The following PDLIM2 variants were observed in gnomAD, a reference collection of about 807,000 sequenced individuals.
PDLIM2 encodes the protein PDZ and LIM domain protein 2.
Under a neutral mutation model 54.1 loss-of-function variants are expected in PDLIM2, and 51 were observed. That is an observed-to-expected ratio of 0.94 (90% CI 0.75 to 1.19). PDLIM2 has a LOEUF of 1.19. Ranked by LOEUF, PDLIM2 falls within the 50% of genes most tolerant of loss-of-function variation. The pLI, the probability that PDLIM2 is intolerant of heterozygous loss-of-function variation, is 0.00. For synonymous variants in PDLIM2, 398 were observed against 385.6 expected, an observed-to-expected ratio of 1.03 and a Z score of -0.38; for missense variants, 912 against 874.0, an observed-to-expected ratio of 1.04 and a Z score of -0.55.
intron 9 of PDLIM2, 113 bp downstream of exon 8, chr8:22,591,781 C>T: frequency 1.0e-6 from 1 of 972,170 alleles, no homozygotes; most frequent in South Asian, 1.7e-5. Context: ...GCACTGGGTA[C>T]CCAGTCGGGG....
exon 2 of PDLIM2, chr8:22,580,608 GCGTTGA>G: frequency 6.2e-7 from 1 of 1,614,046 alleles, no homozygotes; most frequent in Non-Finnish European, 8.5e-7. Flanking sequence ...CTCAGGTATG[GCGTTGA>G]CGGTGGATGT....
At chr8:22,579,185 C>G in exon 1 of PDLIM2, 1 of 1,381,116 alleles carries the variant, frequency 7.2e-7, no homozygotes, top group Non-Finnish European at 9.4e-7. Context: ...CCCTCCCTCC[C>G]GGGCCTGGGC....
At chr8:22,589,707 G>A (rs1453354859) in exon 8 of PDLIM2, 3 of 1,571,196 alleles carry the variant, frequency 1.9e-6, no homozygotes, top group Non-Finnish European at 2.6e-6. Flanking sequence ...GCTCCTTTCG[G>A]CTCTTGCAGG....
At chr8:22,579,187 G>A in exon 1 of PDLIM2, 1 of 1,382,872 alleles carries the variant, frequency 7.2e-7, no homozygotes, top group Non-Finnish European at 9.3e-7. Flanking sequence ...CTCCCTCCCG[G>A]GCCTGGGCGC....
At chr8:22,589,479 G>A in intron 7 of PDLIM2, 105 bp downstream of exon 6, 6 of 1,527,866 alleles carry the variant, frequency 3.9e-6, no homozygotes, top group Non-Finnish European at 5.3e-6. Context: ...AGCCCAGTTG[G>A]CTCCTCCACC....
At chr8:22,595,423 C>T (rs1586932850), downstream of PDLIM2, 1 of 152,330 alleles carries the variant, frequency 6.6e-6, no homozygotes, top group Admixed American at 6.5e-5. Flanking sequence ...CATGGCGGGG[C>T]CCATTCACGG....
intron 5 of PDLIM2, 23 bp downstream of exon 4, chr8:22,585,185 A>G: frequency 1.1e-5 from 18 of 1,611,048 alleles, no homozygotes; most frequent in Non-Finnish European, 1.5e-5. Context: ...GTGAGTGGGT[A>G]CCCTGGTCGC....
At chr8:22,580,438 G>A in intron 1 of PDLIM2, 37 bp from the exon 1 acceptor site, 1 of 1,442,730 alleles carries the variant, frequency 6.9e-7, no homozygotes, top group Non-Finnish European at 9.2e-7. Context: ...CCGGGCTGAG[G>A]GAGGGAGTTA....
chr8:22,583,073 TA>T (rs1800257333), intron 3 of PDLIM2, among the ~76,000 whole-genome samples: 1 of 151,960 alleles, frequency 6.6e-6, no homozygotes, highest in African/African-American at 2.4e-5. Flanking sequence ...CCTGTTGCCC[TA>T]CATCTCTAGA....
intron 3 of PDLIM2, among the ~76,000 whole-genome samples, chr8:22,583,703 G>C (rs1033741092): frequency 6.6e-6 from 1 of 151,874 alleles, no homozygotes; most frequent in South Asian, 2.1e-4. Context: ...GGAGGTGGAG[G>C]TTGCAGTGAG....
At chr8:22,591,503 G>T in intron 8 of PDLIM2, 48 bp from the exon 8 acceptor site, 1 of 1,517,740 alleles carries the variant, frequency 6.6e-7, no homozygotes, top group Non-Finnish European at 9.1e-7. Flanking sequence ...TTGGGAGGAT[G>T]CTGTGGTTGG....
exon 3 of PDLIM2, chr8:22,581,481 C>A (rs1309559433): frequency 4.4e-6 from 7 of 1,604,988 alleles, no homozygotes; most frequent in Non-Finnish European, 5.9e-6. Context: ...TGCCGAGGCC[C>A]AGAGCAAGAT....
intron 6 of PDLIM2, among the ~76,000 whole-genome samples, chr8:22,587,495 C>G: frequency 6.6e-6 from 1 of 152,176 alleles, no homozygotes; most frequent in East Asian, 1.9e-4. Flanking sequence ...ATTTCTACCC[C>G]TGACCCCCTG....
rs575522705 is a variant in PDLIM2 at position 22,578,903 on chromosome 8, C to T, written c.124C>T (p.Leu42Phe). 80 of 1,238,066 alleles carry T rather than the reference C, an allele frequency of 6.5e-5. No individual in the cohort carries two copies. In the East Asian group the frequency reaches 2.5e-3, roughly 39 times the overall value. The allele number at this position is 1,238,066 out of a possible 1,614,324, so 76.7% of individuals were successfully genotyped here. A position where few individuals can be genotyped will look rare whatever the true frequency, so the allele number is the denominator to read the frequency against. ...CTGCTGTGCTCCGGGCAGTCGGGGG[C>T]TTGCGGGCGCTCCGGGGAGGATGCG... is the stretch of plus-strand genomic sequence containing the variant. The change falls in exon 1 of 10, where the codon CTT becomes TTT. Residue 42 changes from leucine (L) to phenylalanine (F), a missense_variant. Physicochemically the swap from Leu to Phe is conservative, Grantham distance 22. Transcript: ENST00000308354.
chr8:22,595,592 AG>A (rs1800669236), downstream of PDLIM2: 3 of 152,258 alleles, frequency 2.0e-5, no homozygotes, highest in South Asian at 6.2e-4. Context: ...CGCACCGAGG[AG>A]CGTCCCGTGA....
intron 3 of PDLIM2, among the ~76,000 whole-genome samples, chr8:22,584,001 G>T (rs1398492407): frequency 1.3e-5 from 2 of 150,246 alleles, no homozygotes; most frequent in African/African-American, 4.9e-5. Flanking sequence ...GGTGGGTTTT[G>T]CTGTTGTTAC....
chr8:22,586,196 A>G (rs1176919371), intron 6 of PDLIM2, among the ~76,000 whole-genome samples: 1 of 152,192 alleles, frequency 6.6e-6, no homozygotes, highest in East Asian at 1.9e-4. Flanking sequence ...GGAGGGCACT[A>G]GAACCCAGAG....
At chr8:22,579,914 C>T (rs1399253585) in intron 1 of PDLIM2, 1 of 196,908 alleles carries the variant, frequency 5.1e-6, no homozygotes, top group East Asian at 1.2e-4. Flanking sequence ...TCCAGCTTGA[C>T]AGATGAACCC....
At chr8:22,593,611 C>T (rs1023783817) in intron 9 of PDLIM2, 122 bp from the exon 9 acceptor site, 7 of 494,102 alleles carry the variant, frequency 1.4e-5, no homozygotes, top group African/African-American at 8.4e-5. Flanking sequence ...AAAGTCTAGT[C>T]TCTGAGAAGG....
Sources: allele counts gnomAD v4.1 joint callset (sites outside exome capture counted in the v4.1 genomes callset), GRCh38; gene constraint gnomAD v4.1.1; transcripts MANE v1.5; gene names NCBI Gene and HGNC (gene_info 2026-07-23, HGNC 2026-07-21).